Variants in HHAT observed in about 807,000 individuals in gnomAD.
HHAT encodes the protein protein-cysteine N-palmitoyltransferase HHAT.
HHAT carries 47 observed loss-of-function variants against 70.8 expected under a neutral mutation model. That is an observed-to-expected ratio of 0.66 (90% CI 0.53 to 0.85). The LOEUF (loss-of-function observed/expected upper bound fraction) is 0.85. Ranked by LOEUF, HHAT falls within the 40% of genes least tolerant of loss-of-function variation. HHAT has a pLI of 0.00. For synonymous variants in HHAT, 228 were observed against 247.6 expected, an observed-to-expected ratio of 0.92 and a Z score of 0.74; for missense variants, 609 against 604.8, an observed-to-expected ratio of 1.01 and a Z score of -0.07.
At chr1:210,549,688 C>T (rs2095512474) in intron 9 of HHAT, among the ~76,000 whole-genome samples, 1 of 145,642 alleles carries the variant, frequency 6.9e-6, no homozygotes, top group Admixed American at 7.3e-5. Context: ...TACCATATGG[C>T]ATTATGATAG....
chr1:210,559,900 T>C (rs1282735425), intron 9 of HHAT, among the ~76,000 whole-genome samples: 2 of 152,188 alleles, frequency 1.3e-5, no homozygotes, highest in African/African-American at 4.8e-5. Flanking sequence ...CCAAAGACAT[T>C]TCTAATGAGG....
intron 8 of HHAT, among the ~76,000 whole-genome samples, chr1:210,500,891 T>C (rs931009890): frequency 2.6e-5 from 4 of 152,322 alleles, no homozygotes; most frequent in Admixed American, 6.5e-5. Flanking sequence ...CACTATGGAA[T>C]TGACATATTA....
chr1:210,566,179 A>G (rs549217601), intron 9 of HHAT, among the ~76,000 whole-genome samples: 1 of 152,350 alleles, frequency 6.6e-6, no homozygotes, highest in South Asian at 2.1e-4. Context: ...AGCAAACGAA[A>G]TAGGGTGGAA....
chr1:210,494,149 G>A (rs567946133), intron 8 of HHAT, among the ~76,000 whole-genome samples: 1 of 152,292 alleles, frequency 6.6e-6, no homozygotes, highest in South Asian at 2.1e-4. Flanking sequence ...TATCCTACAT[G>A]TGCAGTGCTT....
chr1:210,540,923 C>T (rs890591617), intron 9 of HHAT, among the ~76,000 whole-genome samples: 2 of 152,124 alleles, frequency 1.3e-5, no homozygotes, highest in African/African-American at 4.8e-5. Context: ...TCACTGCAAC[C>T]TCCGCCTCCT....
intron 9 of HHAT, among the ~76,000 whole-genome samples, chr1:210,565,152 A>G (rs963410794): frequency 3.3e-5 from 5 of 152,220 alleles, no homozygotes; most frequent in Non-Finnish European, 7.3e-5. Context: ...TGGAAAGGAC[A>G]TCTCTTTAAC....
intron 3 of HHAT, among the ~76,000 whole-genome samples, chr1:210,370,316 A>C (rs2089449481): frequency 6.6e-6 from 1 of 151,362 alleles, no homozygotes; most frequent in Non-Finnish European, 1.5e-5. Flanking sequence ...CTGGGATTAC[A>C]GGTGCCCATC....
intron 2 of HHAT, 109 bp from the exon 3 acceptor site, chr1:210,362,743 A>C: frequency 4.7e-6 from 4 of 844,268 alleles, no homozygotes; most frequent in Non-Finnish European, 7.9e-6. Flanking sequence ...ACCTTAGTCC[A>C]CTGGCTGCTT....
At chr1:210,612,724 C>T (rs535693363) in intron 10 of HHAT, among the ~76,000 whole-genome samples, 10 of 152,168 alleles carry the variant, frequency 6.6e-5, no homozygotes, top group African/African-American at 2.2e-4. Context: ...ACCTATATAC[C>T]GTTTTCCACA....
At chr1:210,629,823 TTC>T (rs1670508328) in intron 11 of HHAT, among the ~76,000 whole-genome samples, 2 of 41,390 alleles carry the variant, frequency 4.8e-5, no homozygotes, top group Non-Finnish European at 5.9e-5. Flanking sequence ...CTCCTCCTGT[TTC>T]TGTTTTTTTT....
chr1:210,543,066 T>G (rs977199969), intron 9 of HHAT, among the ~76,000 whole-genome samples: 5 of 152,288 alleles, frequency 3.3e-5, no homozygotes, highest in South Asian at 2.1e-4. Context: ...GCTTTTGATT[T>G]TCTTTTTCTG....
chr1:210,363,006 A>G (rs1185883826), intron 3 of HHAT, 87 bp downstream of exon 3: 8 of 1,145,056 alleles, frequency 7.0e-6, no homozygotes, highest in African/African-American at 3.0e-5. Flanking sequence ...CGATCCAGGT[A>G]TCAGATTCAG....
chr1:210,357,027 G>A (rs186384935), intron 2 of HHAT, among the ~76,000 whole-genome samples: 23 of 152,334 alleles, frequency 1.5e-4, no homozygotes, highest in African/African-American at 5.5e-4. Context: ...TGAGTGTTGT[G>A]GAACAACCAA....
intron 6 of HHAT, among the ~76,000 whole-genome samples, chr1:210,417,653 C>T (rs1369406027): frequency 6.6e-6 from 1 of 152,230 alleles, no homozygotes; most frequent in African/African-American, 2.4e-5. Context: ...GGTGAAATGA[C>T]ATGCCCACAC....
At position 210,661,664 on chromosome 1, in the gene HHAT, A is replaced by G. The variant is rs557240642; in HGVS notation, c.1391-12624A>G. ...TTGGAACCAACCCAAATGTCCATCA[A>G]TGATAGACTGGATTAAGAAAAGGTG... On this transcript the variant is annotated intron_variant, in intron 11 of 11. Coordinates refer to ENST00000261458, the MANE Select transcript of HHAT (RefSeq NM_018194.6). Among the ~76,000 whole-genome samples, 8 of 152,378 alleles carry G rather than the reference A, an allele frequency of 5.3e-5. No homozygotes were observed. In the East Asian group the frequency reaches 9.6e-4, roughly 18 times the overall value.
intron 9 of HHAT, among the ~76,000 whole-genome samples, chr1:210,553,506 T>C (rs2095545768): frequency 6.6e-6 from 1 of 152,094 alleles, no homozygotes; most frequent in Admixed American, 6.6e-5. Context: ...TGCAGAGTAA[T>C]AAGACCTAAA....
At chr1:210,606,022 A>AT (rs377224411) in intron 10 of HHAT, among the ~76,000 whole-genome samples, 34 of 150,988 alleles carry the variant, frequency 2.3e-4, no homozygotes, top group South Asian at 6.3e-4. Flanking sequence ...CACCTGGCTA[A>AT]TTTTTTTTTA....
chr1:210,464,525 G>C lies in HHAT; in HGVS notation c.877G>C (p.Val293Leu). 6.2e-7 allele frequency: 1 copy of C among 1,614,170 alleles called. No homozygotes were observed. The highest frequency in any genetic ancestry group is 8.5e-7 in the Non-Finnish European group (1 of 1,180,020). Residue 293 changes from valine to leucine, a missense_variant, in exon 8 of 12, where the codon GTG becomes CTG. Physicochemically the swap from Val to Leu is conservative, Grantham distance 32 (BLOSUM62 1). Coordinates refer to ENST00000261458, the MANE Select transcript of HHAT (RefSeq NM_018194.6). Reference protein sequence around the residue: ...WTLGGLALAQVLFFYVKYLVL... With the variant: ...WTLGGLALAQLLFFYVKYLVL... ...TTCAGGAGGACTGGCGTTAGCCCAGGTGCTCTTTTTCTACGTGAAGTACTT... is the reference window on the plus strand; with the variant it reads ...TTCAGGAGGACTGGCGTTAGCCCAGCTGCTCTTTTTCTACGTGAAGTACTT...
intron 9 of HHAT, among the ~76,000 whole-genome samples, chr1:210,524,140 A>G (rs1451417162): frequency 6.6e-6 from 1 of 152,248 alleles, no homozygotes; most frequent in African/African-American, 2.4e-5. Flanking sequence ...GGTAGGCAAG[A>G]TGCATAAGCT....
Sources: gnomAD v4.1 joint callset for allele counts (sites outside exome capture counted in the v4.1 genomes callset) on GRCh38, gnomAD v4.1.1 for gene constraint, MANE v1.5 for transcripts, NCBI Gene and HGNC (gene_info 2026-07-23, HGNC 2026-07-21) for gene names.